HSD17B3: variants seen among roughly 807,000 people sequenced by gnomAD.
The protein encoded by HSD17B3 is 17-beta-hydroxysteroid dehydrogenase type 3.
In HSD17B3, 29 loss-of-function variants were observed where a neutral mutation model predicts 41.1. The observed-to-expected ratio is 0.71, with a 90% CI of 0.53 to 0.96. The LOEUF (loss-of-function observed/expected upper bound fraction) is 0.96. HSD17B3 is among the 40% of genes least tolerant of loss of function. HSD17B3 has a pLI of 0.00. For synonymous variants in HSD17B3, 126 were observed against 145.6 expected (o/e 0.87, Z 0.97); for missense variants, 323 against 374.6 (o/e 0.86, Z 1.14).
At chr9:96,238,313 G>A (rs1254424836) in intron 10 of HSD17B3, among the ~76,000 whole-genome samples, 7 of 152,034 alleles carry the variant, frequency 4.6e-5, no homozygotes, top group African/African-American at 7.2e-5. Context: ...AGGTGGAAGG[G>A]ATGCCATCCC....
chr9:96,278,852 G>T (rs912321385), intron 2 of HSD17B3, among the ~76,000 whole-genome samples: 3 of 152,174 alleles, frequency 2.0e-5, no homozygotes, highest in African/African-American at 4.8e-5. Flanking sequence ...GCTTCAGACT[G>T]AACTCTACCA....
chr9:96,300,021 CT>C (rs1238435107), intron 1 of HSD17B3, among the ~76,000 whole-genome samples: 1 of 151,168 alleles, frequency 6.6e-6, no homozygotes, highest in Non-Finnish European at 1.5e-5. Flanking sequence ...ATTTGAACTT[CT>C]TTTAGAATGT....
intron 2 of HSD17B3, among the ~76,000 whole-genome samples, chr9:96,281,196 C>A (rs930370199): frequency 3.3e-5 from 5 of 151,998 alleles, no homozygotes; most frequent in Non-Finnish European, 5.9e-5. Flanking sequence ...AGTGTGAAAA[C>A]CCCCTTCCCA....
chr9:96,243,519 C>T (rs74737024), intron 9 of HSD17B3, among the ~76,000 whole-genome samples: 38 of 152,302 alleles, frequency 2.5e-4, no homozygotes, highest in East Asian at 1.3e-3. Context: ...AATCAGTGTG[C>T]GCAGCAATAA....
At chr9:96,293,664 T>C (rs566836295) in intron 2 of HSD17B3, among the ~76,000 whole-genome samples, 1 of 135,098 alleles carries the variant, frequency 7.4e-6, no homozygotes, top group South Asian at 2.2e-4. Context: ...TGTGTGTATG[T>C]GTGTGTGTGT....
At chr9:96,270,422 AT>A (rs1187962452) in intron 2 of HSD17B3, among the ~76,000 whole-genome samples, 1 of 152,258 alleles carries the variant, frequency 6.6e-6, no homozygotes, top group East Asian at 1.9e-4. Context: ...GAACATAAAA[AT>A]AATTAAAAGC....
chr9:96,240,667 C>A, intron 10 of HSD17B3, 91 bp downstream of exon 10: 1 of 1,302,120 alleles, frequency 7.7e-7, no homozygotes, highest in South Asian at 1.2e-5. Flanking sequence ...AATGAGTGCT[C>A]CAGCAGCAAG....
At chr9:96,288,145 A>G (rs1177199748) in intron 2 of HSD17B3, among the ~76,000 whole-genome samples, 1 of 152,256 alleles carries the variant, frequency 6.6e-6, no homozygotes, top group Non-Finnish European at 1.5e-5. Context: ...ATTAATAGCA[A>G]CCAGGTGTAC....
intron 2 of HSD17B3, among the ~76,000 whole-genome samples, chr9:96,262,229 CTTTTTTTTTTTT>C (rs71368240): frequency 3.7e-5 from 2 of 54,202 alleles, no homozygotes; most frequent in East Asian, 6.8e-4. Flanking sequence ...ATGTCAATTG[CTTTTTTTTTTTT>C]TTTTTTTTTT....
At chr9:96,289,192 GGTGTGTGTGTGT>G (rs67271328) in intron 2 of HSD17B3, among the ~76,000 whole-genome samples, 9 of 148,122 alleles carry the variant, frequency 6.1e-5, no homozygotes, top group African/African-American at 2.3e-4. Context: ...TTGATTTCCT[GGTGTGTGTGTGT>G]GTGTGTGTGT....
rs553700960 is a variant in HSD17B3, at chr9:96,299,899, C to T, written c.155-1437G>A. 5.3e-5 allele frequency among the ~76,000 whole-genome samples: 8 copies of T among 152,112 alleles called. No homozygotes were observed. In the South Asian group the frequency reaches 8.3e-4, roughly 16 times the overall value. ...ATTATCTCCCTGATATCTGCCTCTGCCCAAACATATTTTACTCCTGCTAGA... is the reference window on the plus strand; with the variant it reads ...ATTATCTCCCTGATATCTGCCTCTGTCCAAACATATTTTACTCCTGCTAGA... On this transcript the variant is annotated intron_variant, in intron 1 of 10. Coordinates refer to ENST00000375263, the MANE Select transcript of HSD17B3 (RefSeq NM_000197.2).
intron 2 of HSD17B3, chr9:96,256,108 A>G (rs910751857): frequency 2.0e-5 from 3 of 152,162 alleles, no homozygotes; most frequent in Non-Finnish European, 4.4e-5. Flanking sequence ...ATTAGTGACA[A>G]AGGCCCCACT....
intron 2 of HSD17B3, 147 bp from the exon 3 acceptor site, chr9:96,255,090 A>G: frequency 2.7e-6 from 2 of 739,860 alleles, no homozygotes; most frequent in Non-Finnish European, 4.8e-6. Flanking sequence ...GAATGTGACA[A>G]AGCTTTCTGG....
At chr9:96,264,664 C>T (rs946462376) in intron 2 of HSD17B3, among the ~76,000 whole-genome samples, 42 of 152,134 alleles carry the variant, frequency 2.8e-4, no homozygotes, top group African/African-American at 5.3e-4. Context: ...TGAGCCACCA[C>T]GTCCAGCCCC....
At chr9:96,254,740 C>G (rs1825558222) in intron 3 of HSD17B3, 128 bp downstream of exon 3, 1 of 798,726 alleles carries the variant, frequency 1.3e-6, no homozygotes, top group African/African-American at 1.7e-5. Flanking sequence ...AACCGGGCTC[C>G]CCAGGAGAGC....
intron 2 of HSD17B3, among the ~76,000 whole-genome samples, chr9:96,291,478 A>G (rs1827155383): frequency 6.6e-6 from 1 of 152,082 alleles, no homozygotes; most frequent in Non-Finnish European, 1.5e-5. Context: ...GGACCAATAT[A>G]AACCAAAGAT....
chr9:96,264,830 C>A (rs1825995172), intron 2 of HSD17B3, among the ~76,000 whole-genome samples: 1 of 152,190 alleles, frequency 6.6e-6, no homozygotes, highest in Non-Finnish European at 1.5e-5. Flanking sequence ...ATTTACTTTA[C>A]AGCAGCCTTT....
chr9:96,283,149 G>A (rs1256480637), intron 2 of HSD17B3, among the ~76,000 whole-genome samples: 1 of 151,778 alleles, frequency 6.6e-6, no homozygotes, highest in East Asian at 1.9e-4. Context: ...GGGATTACAG[G>A]CATCCACCAC....
chr9:96,240,302 C>T (rs773529379), intron 10 of HSD17B3, among the ~76,000 whole-genome samples: 2 of 152,150 alleles, frequency 1.3e-5, no homozygotes, highest in South Asian at 4.2e-4. Flanking sequence ...ATGCACACAG[C>T]GTCATGTCCG....
Sources: gnomAD v4.1 joint callset for allele counts (sites outside exome capture counted in the v4.1 genomes callset) on GRCh38, gnomAD v4.1.1 for gene constraint, MANE v1.5 for transcripts, NCBI Gene and HGNC (gene_info 2026-07-23, HGNC 2026-07-21) for gene names.